The following KIRREL3 variants were observed in gnomAD, a reference collection of about 807,000 sequenced individuals.
KIRREL3 encodes kirre like nephrin family adhesion molecule 3.
A neutral mutation model predicts 89.7 loss-of-function variants in KIRREL3; 36 were observed. The ratio of observed to expected loss-of-function variants is 0.40; its 90% CI spans 0.31 to 0.53. KIRREL3 has a LOEUF of 0.53. KIRREL3 is among the 20% of genes least tolerant of loss of function. KIRREL3 has a pLI of 0.49. For synonymous variants in KIRREL3, 445 were observed against 441.4 expected (o/e 1.01, Z -0.10); for missense variants, 864 against 1,056.6 (o/e 0.82, Z 2.53).
chr11:126,491,164 C>T lies in KIRREL3; in HGVS notation c.434-17698G>A, dbSNP rs755424702. On this transcript the variant is annotated intron_variant, in intron 4 of 16. Transcript: ENST00000525144. This position sits in a 1 kb window ranked among gnomAD's most constrained non-coding sequence, Gnocchi z 5.5. ...CACTTTCTACCTGCGTGGACTCTGG[C>T]GAGTTGCACCTCCCCGGGCGTCAGC... Among the ~76,000 whole-genome samples the T allele has an allele frequency of 7.9e-5, 12 of 152,274 alleles. No individual in the cohort carries two copies. The highest frequency in any genetic ancestry group is 3.9e-4 in the East Asian group (2 of 5,178).
In KIRREL3 at chr11:126,432,584, C is replaced by A. The variant is rs949095980; in HGVS notation, c.1589-1058G>T. Among the ~76,000 whole-genome samples, 1 of 152,074 alleles carries A rather than the reference C, an allele frequency of 6.6e-6. No homozygotes were observed. Among genetic ancestry groups the A allele is most frequent in the Non-Finnish European group, 1.5e-5 (1 of 68,002 alleles). ...CACTGCTCCCACCCCTCCACTCACC[C>A]CACTCCCACCCCGTCCAGCTCCACC... On this transcript the variant is annotated intron_variant, in intron 13 of 16. Transcript: ENST00000525144. This position sits in a 1 kb window ranked among gnomAD's most constrained non-coding sequence, Gnocchi z 6.2.
chr11:126,941,298 C>T (rs1336762091), intron 1 of KIRREL3, among the ~76,000 whole-genome samples: 1 of 152,066 alleles, frequency 6.6e-6, no homozygotes, highest in African/African-American at 2.4e-5. Flanking sequence ...TTTAACTGGC[C>T]AAAATTGCCA....
intron 2 of KIRREL3, among the ~76,000 whole-genome samples, chr11:126,536,749 A>T (rs909376025): frequency 7.0e-6 from 1 of 143,532 alleles, no homozygotes; most frequent in Admixed American, 7.3e-5. Context: ...GATTCAAGTG[A>T]TTTTCCTGCT....
rs911087586 is a variant in KIRREL3 at position 126,640,905 on chromosome 11, T to C, written c.56-77993A>G. On this transcript the variant is annotated intron_variant, in intron 1 of 16. Coordinates refer to ENST00000525144, the MANE Select transcript of KIRREL3 (RefSeq NM_032531.4). The surrounding 1 kb of genome is among the most constrained non-coding windows in gnomAD (Gnocchi z 4.9). ...CAATCTTATGGCTTTAAACACCGAC[T>C]CTACTCTGATGTCTCTCAATTTTGT... 2.6e-5 allele frequency among the ~76,000 whole-genome samples: 4 copies of C among 152,170 alleles called. No homozygotes were observed. Among genetic ancestry groups the C allele is most frequent in the Non-Finnish European group, 5.9e-5 (4 of 68,040 alleles).
intron 1 of KIRREL3, among the ~76,000 whole-genome samples, chr11:126,603,373 AG>A (rs1942746591): frequency 6.6e-6 from 1 of 152,178 alleles, no homozygotes; most frequent in Non-Finnish European, 1.5e-5. Context: ...CCAATGAATG[AG>A]GGGGCAGAAG....
rs990567775 is a variant in KIRREL3, at chr11:126,989,243, C to T, written c.55+11212G>A. Reference sequence around the variant, plus strand: ...CTACAAGAGATGCTGAAGAAGTCACCTGGAATTTGCTAGTAGAACTATCAG... The same window carrying T: ...CTACAAGAGATGCTGAAGAAGTCACTTGGAATTTGCTAGTAGAACTATCAG... On this transcript the variant is annotated intron_variant, in intron 1 of 16. Transcript: ENST00000525144. This position sits in a 1 kb window ranked among gnomAD's most constrained non-coding sequence, Gnocchi z 6.2. Among the ~76,000 whole-genome samples the T allele has an allele frequency of 6.6e-6, 1 of 152,128 alleles. No individual in the cohort carries two copies. The highest frequency in any genetic ancestry group is 1.5e-5 in the Non-Finnish European group (1 of 68,026).
rs1427194039 is a variant in KIRREL3 at position 126,897,695 on chromosome 11, C to T, written c.55+102760G>A. On this transcript the variant is annotated intron_variant, in intron 1 of 16. Coordinates refer to ENST00000525144, the MANE Select transcript of KIRREL3 (RefSeq NM_032531.4). The surrounding 1 kb of genome is among the most constrained non-coding windows in gnomAD (Gnocchi z 4.2). ...GATAGATAATTTGGTTAAATCTTTT[C>T]CACTTTGATTTCATCTCCAGTTTCG... Among the ~76,000 whole-genome samples, 2 of 152,176 alleles carry T rather than the reference C, an allele frequency of 1.3e-5. No homozygotes were observed. The highest frequency in any genetic ancestry group is 4.8e-5 in the African/African-American group (2 of 41,448).
rs184119697 is a variant in KIRREL3 at position 126,553,896 on chromosome 11, G to C, written c.133+8939C>G. 1.5e-3 allele frequency among the ~76,000 whole-genome samples: 225 copies of C among 152,282 alleles called. No homozygotes were observed. Among genetic ancestry groups the C allele is most frequent in the Non-Finnish European group, 2.1e-3 (142 of 68,030 alleles). On this transcript the variant is annotated intron_variant, in intron 2 of 16. Coordinates refer to ENST00000525144, the MANE Select transcript of KIRREL3 (RefSeq NM_032531.4). The surrounding 1 kb of genome is among the most constrained non-coding windows in gnomAD (Gnocchi z 4.7). ...TGCAATTCAGCTCATATGCAGACCT[G>C]TATTTACCTTGTCTGATCAAAGTAG...
rs1398967776 is a variant in KIRREL3 at position 126,705,673 on chromosome 11, T to G, written c.56-142761A>C. 6.6e-6 allele frequency among the ~76,000 whole-genome samples: 1 copy of G among 152,240 alleles called. No individual in the cohort carries two copies. Among genetic ancestry groups the G allele is most frequent in the Non-Finnish European group, 1.5e-5 (1 of 68,046 alleles). ...AACACTACGTATGTGCAAGTGTATA[T>G]GTATATGTAATGTATACCTATGTGT... On this transcript the variant is annotated intron_variant, in intron 1 of 16. Transcript: ENST00000525144. The surrounding 1 kb of genome is among the most constrained non-coding windows in gnomAD (Gnocchi z 4.3).
chr11:126,430,818 T>C lies in KIRREL3; in HGVS notation c.1696+601A>G, dbSNP rs1271127053. ...CAGAAGAGGTGGGACTGGAACACTGTGTCTCCATTGTCTTCACCTGTTCTC... is the reference window on the plus strand; with the variant it reads ...CAGAAGAGGTGGGACTGGAACACTGCGTCTCCATTGTCTTCACCTGTTCTC... On this transcript the variant is annotated intron_variant, in intron 14 of 16. Coordinates refer to ENST00000525144, the MANE Select transcript of KIRREL3 (RefSeq NM_032531.4). This position sits in a 1 kb window ranked among gnomAD's most constrained non-coding sequence, Gnocchi z 6.6. 4.2e-6 allele frequency: 1 copy of C among 239,878 alleles called. No homozygotes were observed. The highest frequency in any genetic ancestry group is 6.8e-6 in the Non-Finnish European group (1 of 147,444). The allele number at this position is 239,878 out of a possible 1,614,324, so 14.9% of individuals were successfully genotyped here.
chr11:126,972,766 A>G (rs932279598), intron 1 of KIRREL3, among the ~76,000 whole-genome samples: 3 of 152,090 alleles, frequency 2.0e-5, no homozygotes, highest in African/African-American at 7.2e-5. Context: ...ATGTACACAC[A>G]CCTTCTCTTC....
chr11:126,644,815 A>G (rs1565615760), intron 1 of KIRREL3, among the ~76,000 whole-genome samples: 1 of 152,248 alleles, frequency 6.6e-6, no homozygotes, highest in Non-Finnish European at 1.5e-5. Context: ...TCTATGGAAC[A>G]AATAATAATC....
At chr11:126,735,742 CAA>C (rs1317199540) in intron 1 of KIRREL3, among the ~76,000 whole-genome samples, 2 of 152,210 alleles carry the variant, frequency 1.3e-5, no homozygotes, top group Admixed American at 1.3e-4. Context: ...AGAACCAAAC[CAA>C]AGAGGAGACA....
Position 126,574,655 on chromosome 11 carries a change from G to A in KIRREL3, c.56-11743C>T, listed in dbSNP as rs958384405. ...GCAGCCCCACCAGAGCAAAGGACGA[G>A]GGTGGCTGGGATAGTGTGTGCTTAC... On this transcript the variant is annotated intron_variant, in intron 1 of 16. Transcript: ENST00000525144. This position sits in a 1 kb window ranked among gnomAD's most constrained non-coding sequence, Gnocchi z 5.3. Among the ~76,000 whole-genome samples, 2 of 152,186 alleles carry A rather than the reference G, an allele frequency of 1.3e-5. No individual in the cohort carries two copies. The highest frequency in any genetic ancestry group is 4.8e-5 in the African/African-American group (2 of 41,440).
rs1189794650 is a variant in KIRREL3 at position 126,657,888 on chromosome 11, G to A, written c.56-94976C>T. Among the ~76,000 whole-genome samples the A allele has an allele frequency of 2.0e-5, 3 of 152,320 alleles. No homozygotes were observed. The East Asian group carries it at 5.8e-4, about 29-fold the overall frequency. On this transcript the variant is annotated intron_variant, in intron 1 of 16. Transcript: ENST00000525144. Reference sequence around the variant, plus strand: ...TACTGCTATCTACCGGAAGAGACAAGAAGGTAATTTGACCAGATCAAGACC... The same window carrying A: ...TACTGCTATCTACCGGAAGAGACAAAAAGGTAATTTGACCAGATCAAGACC...
At position 126,682,059 on chromosome 11, in the gene KIRREL3, G is replaced by T; in HGVS notation, c.56-119147C>A. The T allele has an allele frequency of 2.9e-6, 1 of 346,042 alleles. No individual in the cohort carries two copies. Among genetic ancestry groups the T allele is most frequent in the Non-Finnish European group, 5.7e-6 (1 of 174,796 alleles). The allele number at this position is 346,042 out of a possible 1,614,324, so 21.4% of individuals were successfully genotyped here. ...ATTTCCAGATTTAAAGTTCTATGTTGTATTTTATTTGATGCAAAGCAATAA... is the reference window on the plus strand; with the variant it reads ...ATTTCCAGATTTAAAGTTCTATGTTTTATTTTATTTGATGCAAAGCAATAA... On this transcript the variant is annotated intron_variant, in intron 1 of 16. Transcript: ENST00000525144. The surrounding 1 kb of genome is among the most constrained non-coding windows in gnomAD (Gnocchi z 4.8).
chr11:126,919,946 C>T (rs1947202782), intron 1 of KIRREL3, among the ~76,000 whole-genome samples: 1 of 152,106 alleles, frequency 6.6e-6, no homozygotes, highest in South Asian at 2.1e-4. Context: ...AGTAACAATG[C>T]TACTGCTAAT....
Position 126,486,602 on chromosome 11 carries a change from T to C in KIRREL3, c.434-13136A>G, listed in dbSNP as rs1268326141. On this transcript the variant is annotated intron_variant, in intron 4 of 16. Transcript: ENST00000525144. This position sits in a 1 kb window ranked among gnomAD's most constrained non-coding sequence, Gnocchi z 6.2. ...CTGGGTTGGTGGGAAAAGCCCATCA[T>C]GGTGGCTGCCGTGGACTTGTATAAT... 6.6e-6 allele frequency among the ~76,000 whole-genome samples: 1 copy of C among 152,216 alleles called. No individual in the cohort carries two copies. Among genetic ancestry groups the C allele is most frequent in the African/African-American group, 2.4e-5 (1 of 41,472 alleles).
intron 1 of KIRREL3, among the ~76,000 whole-genome samples, chr11:126,822,307 C>T (rs1424815757): frequency 6.6e-6 from 1 of 152,140 alleles, no homozygotes; most frequent in Non-Finnish European, 1.5e-5. Flanking sequence ...ATAGACTGGC[C>T]ATGTAGTATG....
Sources: gnomAD v4.1 joint callset for allele counts (sites outside exome capture counted in the v4.1 genomes callset) on GRCh38, gnomAD v4.1.1 for gene constraint, Gnocchi (gnomAD v3.1) non-coding constraint, MANE v1.5 for transcripts, NCBI Gene and HGNC (gene_info 2026-07-23, HGNC 2026-07-21) for gene names.